OXR1: variants seen among roughly 807,000 people sequenced by gnomAD.
The protein encoded by OXR1 is oxidation resistance protein 1.
A neutral mutation model predicts 104.6 loss-of-function variants in OXR1; 41 were observed. The observed-to-expected ratio is 0.39, with a 90% CI of 0.31 to 0.51. The LOEUF (loss-of-function observed/expected upper bound fraction) is 0.51, where lower values mean the gene tolerates loss of function less well. Ranked by LOEUF, OXR1 falls within the 20% of genes least tolerant of loss-of-function variation. OXR1 has a pLI of 0.77. For missense variants in OXR1, 955 were observed against 1,031.9 expected, an observed-to-expected ratio of 0.93 and a Z score of 1.02; for synonymous variants, 348 against 348.4, an observed-to-expected ratio of 1.00 and a Z score of 0.01.
chr8:106,448,037 A>G (rs1820097866), intron 2 of OXR1: 3 of 1,535,846 alleles, frequency 2.0e-6, no homozygotes, highest in East Asian at 4.9e-5. Context: ...CGAAGGACAA[A>G]AACAGCCCAG....
At chr8:106,490,417 A>C (rs985746259) in intron 2 of OXR1, among the ~76,000 whole-genome samples, 1 of 152,112 alleles carries the variant, frequency 6.6e-6, no homozygotes, top group Non-Finnish European at 1.5e-5. Flanking sequence ...GGAGTGCAGC[A>C]GCATGATCTT....
intron 2 of OXR1, among the ~76,000 whole-genome samples, chr8:106,411,873 C>T (rs1586617502): frequency 6.6e-6 from 1 of 152,120 alleles, no homozygotes. Context: ...GTATTATATA[C>T]AGGGTCTTAC....
chr8:106,398,148 G>C lies in OXR1; in HGVS notation c.23+38512G>C, dbSNP rs185343532. 3.9e-5 allele frequency among the ~76,000 whole-genome samples: 6 copies of C among 152,206 alleles called. No individual in the cohort carries two copies. The East Asian group carries it at 9.6e-4, about 24-fold the overall frequency. ...AACTAATTTTAACTTGGTTCCCTCT[G>C]TAAAGATCCTATTTCCAAATAAAGT... On this transcript the variant is annotated intron_variant, in intron 2 of 16. Transcript: ENST00000517566.
intron 2 of OXR1, chr8:106,448,133 T>C: frequency 7.1e-7 from 1 of 1,399,568 alleles, no homozygotes; most frequent in Non-Finnish European, 9.8e-7. Flanking sequence ...AAAATAGCTC[T>C]CTGATTTCTG....
At position 106,748,554 on chromosome 8, in the gene OXR1, CTTTTTTTTTTTTTTT is replaced by C. The variant is rs71307088; in HGVS notation, c.2487-2235_2487-2221del. On this transcript the variant is annotated intron_variant, in intron 16 of 16. Coordinates refer to ENST00000517566, the MANE Select transcript of OXR1 (RefSeq NM_001198533.2). ...TCTGTTTTGTTGTGAAGTACCAACT[CTTTTTTTTTTTTTTT>C]TTTTTTTTTTTTTTTTGAGATGGAG... Among the ~76,000 whole-genome samples the C allele has an allele frequency of 2.2e-4, 11 of 48,922 alleles. No homozygotes were observed. In the South Asian group the frequency reaches 3.6e-3, roughly 16 times the overall value. The allele number at this position is 48,922 out of a possible 152,430, so 32.1% of individuals were successfully genotyped here.
intron 3 of OXR1, among the ~76,000 whole-genome samples, chr8:106,655,174 T>G (rs1824943375): frequency 6.6e-6 from 1 of 152,054 alleles, no homozygotes; most frequent in Non-Finnish European, 1.5e-5. Flanking sequence ...AAAAGTTTCT[T>G]TTTGTGGTGA....
intron 1 of OXR1, among the ~76,000 whole-genome samples, chr8:106,295,214 T>C: frequency 6.6e-6 from 1 of 152,168 alleles, no homozygotes; most frequent in East Asian, 1.9e-4. Context: ...CTAATGACAG[T>C]CCAAGGTAAA....
intron 2 of OXR1, among the ~76,000 whole-genome samples, chr8:106,494,562 C>A (rs1181241386): frequency 6.6e-6 from 1 of 152,158 alleles, no homozygotes; most frequent in Non-Finnish European, 1.5e-5. Flanking sequence ...CCTGCATCTA[C>A]AGTATGTAGT....
At chr8:106,743,692 A>G (rs1835137420) in intron 15 of OXR1, among the ~76,000 whole-genome samples, 1 of 152,174 alleles carries the variant, frequency 6.6e-6, no homozygotes. Flanking sequence ...CAGTGTGGCA[A>G]TTCCTCAAAG....
intron 3 of OXR1, among the ~76,000 whole-genome samples, chr8:106,533,720 T>G (rs1342575863): frequency 6.6e-6 from 1 of 151,626 alleles, no homozygotes; most frequent in African/African-American, 2.4e-5. Flanking sequence ...TACTTTTTTT[T>G]TTTTTTTTTT....
At chr8:106,377,502 A>T (rs1236539864) in intron 2 of OXR1, among the ~76,000 whole-genome samples, 2 of 152,158 alleles carry the variant, frequency 1.3e-5, no homozygotes, top group Non-Finnish European at 2.9e-5. Flanking sequence ...AATATTTTTG[A>T]GTATAATTAT....
At chr8:106,700,005 T>C (rs984615815) in intron 7 of OXR1, among the ~76,000 whole-genome samples, 3 of 152,168 alleles carry the variant, frequency 2.0e-5, no homozygotes, top group African/African-American at 7.2e-5. Flanking sequence ...AGAAATATTG[T>C]AATGTAAGTG....
At chr8:106,493,571 C>T (rs987645) in intron 2 of OXR1, among the ~76,000 whole-genome samples, 16,208 of 152,086 alleles carry the variant, frequency 0.11, 943 homozygotes, top group African/African-American at 0.14. Flanking sequence ...CTAACAATGT[C>T]GGGCCACACT....
At chr8:106,273,039 T>A (rs191288942) in intron 1 of OXR1, 172 of 152,258 alleles carry the variant, frequency 1.1e-3, no homozygotes, top group African/African-American at 3.9e-3. Context: ...TATAGAATGC[T>A]AAATTTAATG....
chr8:106,321,044 G>A (rs1026791153), intron 1 of OXR1, among the ~76,000 whole-genome samples: 11 of 152,142 alleles, frequency 7.2e-5, no homozygotes, highest in East Asian at 1.9e-4. Flanking sequence ...ATTAATGCTC[G>A]TAAGACTTAG....
chr8:106,528,130 CTCTT>C (rs1352678609), intron 3 of OXR1, among the ~76,000 whole-genome samples: 1 of 152,008 alleles, frequency 6.6e-6, no homozygotes, highest in Non-Finnish European at 1.5e-5. Context: ...CTCCCTTCTG[CTCTT>C]TCTTCCACCC....
Position 106,737,565 on chromosome 8 carries a change from A to G in OXR1, c.2002A>G (p.Thr668Ala). 3 of 1,441,270 alleles carry G rather than the reference A, an allele frequency of 2.1e-6. No individual in the cohort carries two copies. Among genetic ancestry groups the G allele is most frequent in the Non-Finnish European group, 2.7e-6 (3 of 1,092,034 alleles). 89.3% of individuals were successfully genotyped at this position (1,441,270 alleles called of 1,614,324 possible). ...EYHRRIDALN[T>A]EELRTLCRRL... is the part of the protein sequence containing the mutation. ...TCACCGCAGGATCGATGCTCTAAAT[A>G]CTGAAGAACTGCGCACACTCTGCAG... is the stretch of plus-strand genomic sequence containing the variant. The change falls in exon 12 of 17, where the codon ACT becomes GCT. Residue 668 changes from threonine to alanine, a missense_variant. Thr to Ala is a moderately conservative substitution (Grantham distance 58). Coordinates refer to ENST00000517566, the MANE Select transcript of OXR1 (RefSeq NM_001198533.2).
At chr8:106,497,094 T>C (rs1239812401) in intron 2 of OXR1, among the ~76,000 whole-genome samples, 2 of 152,176 alleles carry the variant, frequency 1.3e-5, no homozygotes, top group African/African-American at 4.8e-5. Context: ...TTCAGAGAAA[T>C]GTGATATTTC....
chr8:106,601,019 G>A (rs757198394), intron 3 of OXR1, among the ~76,000 whole-genome samples: 12 of 152,178 alleles, frequency 7.9e-5, no homozygotes, highest in Non-Finnish European at 1.5e-4. Context: ...GGAGGCAGGA[G>A]GTAGCCAGAT....
Sources: gnomAD v4.1 joint callset for allele counts (sites outside exome capture counted in the v4.1 genomes callset) on GRCh38, gnomAD v4.1.1 for gene constraint, MANE v1.5 for transcripts, NCBI Gene and HGNC (gene_info 2026-07-23, HGNC 2026-07-21) for gene names.